Variants in RAB33B observed in about 807,000 individuals in gnomAD.
RAB33B encodes the protein ras-related protein Rab-33B.
In RAB33B, 6 loss-of-function variants were observed where a neutral mutation model predicts 15.0. The observed-to-expected ratio is 0.40, with a 90% CI of 0.22 to 0.79. The LOEUF (loss-of-function observed/expected upper bound fraction) is 0.79, where lower values mean the gene tolerates loss of function less well. Ranked by LOEUF, RAB33B falls within the 30% of genes least tolerant of loss-of-function variation. The pLI is 0.37. For missense variants in RAB33B, 257 were observed against 296.4 expected (o/e 0.87, Z 0.98); for synonymous variants, 117 against 108.3 (o/e 1.08, Z -0.50).
intron 1 of RAB33B, among the ~76,000 whole-genome samples, chr4:139,467,651 A>T (rs563233306): frequency 6.6e-6 from 1 of 151,346 alleles, no homozygotes; most frequent in African/African-American, 2.4e-5. Context: ...TGAGCTGAGG[A>T]GTTCAGACCA....
Position 139,454,249 on chromosome 4 carries a change from A to G in RAB33B, c.54A>G (p.Ala18=), listed in dbSNP as rs1750017762. ...AGGCAAGCTTTTCGTCCAGCGGGGC[A>G]GTGTCAGGGGCCTCAGGGTTTTTGC... The part of the protein sequence containing the change: ...SLEASFSSSG[A]VSGASGFLPP... The change falls in exon 1 of 2, where the codon GCA becomes GCG. Residue 18 remains alanine (A), a synonymous_variant. Transcript: ENST00000305626. 6.2e-7 allele frequency: 1 copy of G among 1,614,138 alleles called. No homozygotes were observed. Among genetic ancestry groups the G allele is most frequent in the South Asian group, 1.1e-5 (1 of 91,078 alleles).
At chr4:139,442,891 C>T in the RAB33B span, among the ~76,000 whole-genome samples, 1 of 151,996 alleles carries the variant, frequency 6.6e-6, no homozygotes, top group Non-Finnish European at 1.5e-5. Context: ...GGATGGAGTT[C>T]TTTTGTTGGT....
At chr4:139,465,856 A>G (rs1364936040) in intron 1 of RAB33B, among the ~76,000 whole-genome samples, 1 of 151,708 alleles carries the variant, frequency 6.6e-6, no homozygotes, top group East Asian at 1.9e-4. Context: ...CAGCCTCCCA[A>G]GTAACTGGAA....
upstream of RAB33B, chr4:139,454,073 C>T: frequency 1.7e-5 from 20 of 1,169,802 alleles, no homozygotes; most frequent in South Asian, 2.9e-4. Context: ...GGCTGGTGGG[C>T]GGTGGCTCCT....
chr4:139,440,129 T>G, the RAB33B span, among the ~76,000 whole-genome samples: 1 of 152,188 alleles, frequency 6.6e-6, no homozygotes, highest in African/African-American at 2.4e-5. Context: ...ATTATTTTTG[T>G]TTTTTTGATT....
In RAB33B at chr4:139,472,984, A is replaced by G; in HGVS notation, c.548A>G (p.Asn183Ser). The part of the protein sequence containing the change: ...PLFETSAKNP[N>S]DNDHVEAIFM... ...TTTGAAACGTCTGCTAAAAACCCCA[A>G]TGATAATGACCATGTGGAAGCTATA... Residue 183 changes from asparagine to serine, a missense_variant, in exon 2 of 2, where the codon AAT (asparagine) becomes AGT (serine). Physicochemically the swap from Asn to Ser is conservative, Grantham distance 46 (BLOSUM62 1). Coordinates refer to ENST00000305626, the MANE Select transcript of RAB33B (RefSeq NM_031296.3). 2 of 1,614,178 alleles carry G rather than the reference A, an allele frequency of 1.2e-6. No individual in the cohort carries two copies. Among genetic ancestry groups the G allele is most frequent in the Non-Finnish European group, 1.7e-6 (2 of 1,180,018 alleles).
chr4:139,472,340 T>C (rs1421401690), intron 1 of RAB33B, among the ~76,000 whole-genome samples: 1 of 152,160 alleles, frequency 6.6e-6, no homozygotes, highest in Non-Finnish European at 1.5e-5. Context: ...GTAACCAAAT[T>C]TACAGGAATT....
chr4:139,441,075 TC>T, the RAB33B span, among the ~76,000 whole-genome samples: 1 of 152,218 alleles, frequency 6.6e-6, no homozygotes, highest in South Asian at 2.1e-4. Flanking sequence ...TGTCGGCTAT[TC>T]TAAGACAGAT....
chr4:139,465,041 C>T (rs13118261), intron 1 of RAB33B, among the ~76,000 whole-genome samples: 29,137 of 152,128 alleles, frequency 0.19, 3,169 homozygotes, highest in Non-Finnish European at 0.25. Flanking sequence ...CACATCCTCT[C>T]CAGCACCTGT....
In RAB33B at chr4:139,454,202, G is replaced by A; in HGVS notation, c.7G>A (p.Glu3Lys). 1 of 1,611,744 alleles carries A rather than the reference G, an allele frequency of 6.2e-7. No individual in the cohort carries two copies. The highest frequency in any genetic ancestry group is 1.1e-5 in the South Asian group (1 of 90,832). The part of the protein sequence containing the change: MA[E>K]EMESSLEASF... ...TTTGGGGCGGGTCGGGGGAATGGCT[G>A]AGGAGATGGAGTCGTCGCTCGAGGC... Residue 3 changes from glutamate to lysine, a missense_variant, in exon 1 of 2, where the codon GAG becomes AAG. Physicochemically the swap from Glu to Lys is moderately conservative, Grantham distance 56. Coordinates refer to ENST00000305626, the MANE Select transcript of RAB33B (RefSeq NM_031296.3).
upstream of RAB33B, chr4:139,450,548 G>A (rs1749897543): frequency 6.6e-6 from 1 of 152,216 alleles, no homozygotes; most frequent in Non-Finnish European, 1.5e-5. Flanking sequence ...AGACAGTTTT[G>A]GTTGGTGGTG....
At chr4:139,441,887 C>T in the RAB33B span, among the ~76,000 whole-genome samples, 9 of 152,056 alleles carry the variant, frequency 5.9e-5, no homozygotes, top group Admixed American at 1.3e-4. Context: ...TCCTAGAATC[C>T]TCTCCTATTT....
chr4:139,464,249 C>A (rs1180980458), intron 1 of RAB33B, among the ~76,000 whole-genome samples: 1 of 151,940 alleles, frequency 6.6e-6, no homozygotes, highest in East Asian at 1.9e-4. Context: ...TGCATTCCAG[C>A]CTGGAGGGGC....
chr4:139,446,316 A>G, the RAB33B span, among the ~76,000 whole-genome samples: 1 of 152,224 alleles, frequency 6.6e-6, no homozygotes, highest in African/African-American at 2.4e-5. Context: ...CCAAAAGTGG[A>G]CAGCTGTAGC....
chr4:139,443,214 G>A, the RAB33B span, among the ~76,000 whole-genome samples: 1 of 152,024 alleles, frequency 6.6e-6, no homozygotes, highest in African/African-American at 2.4e-5. Flanking sequence ...GGATGGTCTC[G>A]ATCTCCTGAC....
the RAB33B span, among the ~76,000 whole-genome samples, chr4:139,439,604 A>C: frequency 2.6e-5 from 4 of 152,126 alleles, no homozygotes; most frequent in Non-Finnish European, 5.9e-5. Context: ...CATTTCTTCA[A>C]ATATTCTCAC....
At chr4:139,438,472 T>C in the RAB33B span, among the ~76,000 whole-genome samples, 2 of 152,182 alleles carry the variant, frequency 1.3e-5, no homozygotes, top group African/African-American at 4.8e-5. Context: ...CTTCATGATA[T>C]AAAAGACTAG....
chr4:139,447,665 T>TCTTTTC, the RAB33B span, among the ~76,000 whole-genome samples: 1 of 132,798 alleles, frequency 7.5e-6, no homozygotes, highest in African/African-American at 2.9e-5. Context: ...CTACTTTTTT[T>TCTTTTC]TTTTTTTTTT....
At chr4:139,446,836 A>T in the RAB33B span, among the ~76,000 whole-genome samples, 1 of 152,308 alleles carries the variant, frequency 6.6e-6, no homozygotes, top group South Asian at 2.1e-4. Context: ...GCCACTGCAG[A>T]GTGCCCAATT....
Sources: gnomAD v4.1 joint callset for allele counts (sites outside exome capture counted in the v4.1 genomes callset) on GRCh38, gnomAD v4.1.1 for gene constraint, MANE v1.5 for transcripts, NCBI Gene and HGNC (gene_info 2026-07-23, HGNC 2026-07-21) for gene names.